Variants in WNT4 observed in about 807,000 individuals in gnomAD.
The protein encoded by WNT4 is Wnt family member 4, also known as protein Wnt-4.
Under a neutral mutation model 34.5 loss-of-function variants are expected in WNT4, and 16 were observed. The observed-to-expected ratio is 0.46, with a 90% CI of 0.31 to 0.70. WNT4 has a LOEUF of 0.70. WNT4 is among the 30% of genes least tolerant of loss of function. The pLI is 0.04. For missense variants in WNT4, 379 were observed against 495.9 expected (o/e 0.76, Z 2.24); for synonymous variants, 200 against 211.9 (o/e 0.94, Z 0.49).
At chr1:22,121,150 G>GTA in intron 4 of WNT4, 61 bp downstream of exon 4, 1 of 1,035,142 alleles carries the variant, frequency 9.7e-7, no homozygotes, top group South Asian at 1.6e-5. Context: ...GGGTGGGAGA[G>GTA]TCTGGGGCCC....
rs1176384860 is a variant in WNT4 at position 22,139,832 on chromosome 1, C to A, written c.77+3014G>T. On this transcript the variant is annotated intron_variant, in intron 1 of 4. Coordinates refer to ENST00000290167, the MANE Select transcript of WNT4 (RefSeq NM_030761.5). This position sits in a 1 kb window ranked among gnomAD's most constrained non-coding sequence, Gnocchi z 4.6. ...CCTTAAGGGCAGAGTCCCAGCCTTC[C>A]CCCAGGGACTCTTCATCCATCGGGC... Among the ~76,000 whole-genome samples the A allele has an allele frequency of 6.6e-6, 1 of 152,166 alleles. No individual in the cohort carries two copies. The highest frequency in any genetic ancestry group is 2.4e-5 in the African/African-American group (1 of 41,448).
At chr1:22,133,733 C>T (rs973069043) in intron 1 of WNT4, among the ~76,000 whole-genome samples, 2 of 152,242 alleles carry the variant, frequency 1.3e-5, no homozygotes, top group Admixed American at 6.5e-5. Context: ...CAGCCCAGAC[C>T]GCCCCTGCTG....
chr1:22,124,097 G>C (rs944351367), intron 2 of WNT4, among the ~76,000 whole-genome samples: 1 of 152,162 alleles, frequency 6.6e-6, no homozygotes, highest in Admixed American at 6.5e-5. Flanking sequence ...CTGCTCGCTC[G>C]AGGAGGACCT....
Position 22,140,181 on chromosome 1 carries a change from G to T in WNT4, c.77+2665C>A. The T allele has an allele frequency of 2.0e-6, 2 of 985,422 alleles. No individual in the cohort carries two copies. The highest frequency in any genetic ancestry group is 2.4e-6 in the Non-Finnish European group (2 of 829,916). 61.0% of individuals were successfully genotyped at this position (985,422 alleles called of 1,614,324 possible). On this transcript the variant is annotated intron_variant, in intron 1 of 4. Coordinates refer to ENST00000290167, the MANE Select transcript of WNT4 (RefSeq NM_030761.5). This position sits in a 1 kb window ranked among gnomAD's most constrained non-coding sequence, Gnocchi z 5.9. ...GCTGTCAGCTATCCTCTCGGGGCCA[G>T]GCCTCCTCATACCTCACACTTGAAA...
At chr1:22,121,728 G>T (rs946363349) in intron 2 of WNT4, 152 bp from the exon 3 acceptor site, 20 of 1,263,206 alleles carry the variant, frequency 1.6e-5, no homozygotes, top group Non-Finnish European at 2.1e-5. Flanking sequence ...ACCCCACGGC[G>T]CTTGTTCTTA....
rs548406589 is a variant in WNT4, at chr1:22,142,581, C to T, written c.77+265G>A. On this transcript the variant is annotated intron_variant, in intron 1 of 4. Coordinates refer to ENST00000290167, the MANE Select transcript of WNT4 (RefSeq NM_030761.5). This position sits in a 1 kb window ranked among gnomAD's most constrained non-coding sequence, Gnocchi z 6.0. ...GCACCCCTGGCGCCCTCGAGAGCCCCGAGCCGCCTACCGGTGCGGACGCCG... is the reference window on the plus strand; with the variant it reads ...GCACCCCTGGCGCCCTCGAGAGCCCTGAGCCGCCTACCGGTGCGGACGCCG... Among the ~76,000 whole-genome samples, 68 of 152,092 alleles carry T rather than the reference C, an allele frequency of 4.5e-4. No homozygotes were observed. The highest frequency in any genetic ancestry group is 1.5e-3 in the African/African-American group (63 of 41,536).
chr1:22,137,175 G>T lies in WNT4; in HGVS notation c.77+5671C>A, dbSNP rs766194137. Among the ~76,000 whole-genome samples the T allele has an allele frequency of 7.2e-5, 11 of 152,164 alleles. No individual in the cohort carries two copies. The highest frequency in any genetic ancestry group is 4.6e-4 in the Admixed American group (7 of 15,282). Reference sequence around the variant, plus strand: ...CTCCTCAGACCAGGTCCCCTCCTCTGCGGGGTCTGACTTGGCAGGGAACTT... The same window carrying T: ...CTCCTCAGACCAGGTCCCCTCCTCTTCGGGGTCTGACTTGGCAGGGAACTT... On this transcript the variant is annotated intron_variant, in intron 1 of 4. Coordinates refer to ENST00000290167, the MANE Select transcript of WNT4 (RefSeq NM_030761.5). The surrounding 1 kb of genome is among the most constrained non-coding windows in gnomAD (Gnocchi z 5.3).
chr1:22,117,396 T>C lies in WNT4; in HGVS notation c.*2654A>G, dbSNP rs1645858391. The C allele has an allele frequency of 6.6e-6, 1 of 152,154 alleles. No homozygotes were observed. The highest frequency in any genetic ancestry group is 1.5e-5 in the Non-Finnish European group (1 of 68,030). The allele number at this position is 152,154 out of a possible 1,614,324, so 9.4% of individuals were successfully genotyped here. A position where few individuals can be genotyped will look rare whatever the true frequency, so the allele number is the denominator to read the frequency against. On this transcript the variant is annotated 3_prime_UTR_variant, in exon 5 of 5. Transcript: ENST00000290167. ...AGAGCCTAGTATAAAAATTGGAGGA[T>C]GGGGTGGGGCAGCAGAGTGGGTTAG...
chr1:22,141,562 G>C (rs990619171), intron 1 of WNT4, among the ~76,000 whole-genome samples: 9 of 152,096 alleles, frequency 5.9e-5, no homozygotes, highest in South Asian at 4.1e-4. Context: ...TCAAATTAAG[G>C]CTCCAAGAAA....
chr1:22,124,299 G>C (rs373717215), intron 2 of WNT4, among the ~76,000 whole-genome samples: 21 of 152,148 alleles, frequency 1.4e-4, no homozygotes, highest in African/African-American at 5.1e-4. Context: ...AGAACTCTAC[G>C]GTGCCTTCTT....
Position 22,136,946 on chromosome 1 carries a change from A to G in WNT4, c.77+5900T>C, listed in dbSNP as rs1339625385. Among the ~76,000 whole-genome samples, 3 of 152,240 alleles carry G rather than the reference A, an allele frequency of 2.0e-5. No homozygotes were observed. The East Asian group carries it at 5.8e-4, about 30-fold the overall frequency. ...CTTGGGGAAGGGTCTCTAGGGCCCA[A>G]TCCTGGGATTTCAGGGCTTGTGTGT... On this transcript the variant is annotated intron_variant, in intron 1 of 4. Coordinates refer to ENST00000290167, the MANE Select transcript of WNT4 (RefSeq NM_030761.5).
rs1646029270 is a variant in WNT4, at chr1:22,137,261, CG to C, written c.77+5584del. On this transcript the variant is annotated intron_variant, in intron 1 of 4. Coordinates refer to ENST00000290167, the MANE Select transcript of WNT4 (RefSeq NM_030761.5). The surrounding 1 kb of genome is among the most constrained non-coding windows in gnomAD (Gnocchi z 5.3). ...GGGGGAGGGGGAGCTGGTGGGGTCACGGCAGGGAGCGAGCCGTCCCGAGTTT... is the reference window on the plus strand; with the variant it reads ...GGGGGAGGGGGAGCTGGTGGGGTCACGCAGGGAGCGAGCCGTCCCGAGTTT... Among the ~76,000 whole-genome samples, 1 of 152,128 alleles carries C rather than the reference CG, an allele frequency of 6.6e-6. No individual in the cohort carries two copies. The highest frequency in any genetic ancestry group is 1.5e-5 in the Non-Finnish European group (1 of 68,008).
intron 2 of WNT4, chr1:22,127,230 A>T (rs771205925): frequency 1.0e-5 from 5 of 477,838 alleles, no homozygotes; most frequent in African/African-American, 4.0e-5. Flanking sequence ...GTCAGACTTT[A>T]GTCCAGAGCA....
Position 22,142,808 on chromosome 1 carries a change from C to A in WNT4, c.77+38G>T, listed in dbSNP as rs1168129052. On this transcript the variant is annotated intron_variant, in intron 1 of 4. Coordinates refer to ENST00000290167, the MANE Select transcript of WNT4 (RefSeq NM_030761.5). The surrounding 1 kb of genome is among the most constrained non-coding windows in gnomAD (Gnocchi z 6.0). ...CGGCCGCTGCCCCCGGGGCCTGCCC[C>A]GCCCCGCCCCGCCCCGCTCGGCCCC... 9.0e-7 allele frequency: 1 copy of A among 1,115,314 alleles called. No individual in the cohort carries two copies. The highest frequency in any genetic ancestry group is 1.8e-5 in the South Asian group (1 of 56,754). The allele number at this position is 1,115,314 out of a possible 1,614,324, so 69.1% of individuals were successfully genotyped here.
At chr1:22,141,233 G>A (rs150165943) in intron 1 of WNT4, among the ~76,000 whole-genome samples, 125 of 152,276 alleles carry the variant, frequency 8.2e-4, no homozygotes, top group Non-Finnish European at 1.4e-3. Flanking sequence ...TGTAGGCCTG[G>A]GCCAGACGCT....
At chr1:22,121,423 T>C (rs1319071269) in intron 3 of WNT4, 22 bp downstream of exon 3, 2 of 1,613,938 alleles carry the variant, frequency 1.2e-6, no homozygotes, top group Non-Finnish European at 8.5e-7. Flanking sequence ...GCCCTCCCAC[T>C]CTGACCACCT....
chr1:22,133,726 C>T (rs565422978), intron 1 of WNT4, among the ~76,000 whole-genome samples: 2 of 152,352 alleles, frequency 1.3e-5, no homozygotes, highest in Non-Finnish European at 2.9e-5. Context: ...ACCCCACCAG[C>T]CCAGACCGCC....
chr1:22,119,901 T>C lies in WNT4; in HGVS notation c.*149A>G. 3 of 1,035,322 alleles carry C rather than the reference T, an allele frequency of 2.9e-6. No homozygotes were observed. The highest frequency in any genetic ancestry group is 4.2e-6 in the Non-Finnish European group (3 of 717,544). The allele number at this position is 1,035,322 out of a possible 1,614,324, so 64.1% of individuals were successfully genotyped here. A position where few individuals can be genotyped will look rare whatever the true frequency, so the allele number is the denominator to read the frequency against. ...GGTGCCCTTGGGGTTGCCTGCCTGG[T>C]TTCGGCAATAAATAACATGAGGACC... On this transcript the variant is annotated 3_prime_UTR_variant, in exon 5 of 5. Coordinates refer to ENST00000290167, the MANE Select transcript of WNT4 (RefSeq NM_030761.5).
intron 1 of WNT4, among the ~76,000 whole-genome samples, chr1:22,132,380 G>A (rs953585568): frequency 6.6e-6 from 1 of 152,184 alleles, no homozygotes; most frequent in Admixed American, 6.5e-5. Context: ...CTGGGCAGGG[G>A]GGGCAGCCTC....
Sources: allele counts gnomAD v4.1 joint callset (sites outside exome capture counted in the v4.1 genomes callset), GRCh38; gene constraint gnomAD v4.1.1; non-coding constraint Gnocchi (gnomAD v3.1); transcripts MANE v1.5; gene names NCBI Gene and HGNC (gene_info 2026-07-23, HGNC 2026-07-21).